SULT1C4: variants seen among roughly 807,000 people sequenced by gnomAD.
SULT1C4 encodes sulfotransferase 1C4.
A neutral mutation model predicts 34.8 loss-of-function variants in SULT1C4; 32 were observed. The ratio of observed to expected loss-of-function variants is 0.92; its 90% CI spans 0.69 to 1.23. The LOEUF (loss-of-function observed/expected upper bound fraction) is 1.23, where lower values mean the gene tolerates loss of function less well. Ranked by LOEUF, SULT1C4 falls within the 50% of genes most tolerant of loss-of-function variation. The probability of loss-of-function intolerance (pLI) is 0.00; values close to 1 mark genes in which losing one functional copy is unlikely to be tolerated. For synonymous variants in SULT1C4, 111 were observed against 120.5 expected (o/e 0.92, Z 0.51); for missense variants, 375 against 365.9 (o/e 1.02, Z -0.20).
At chr2:108,383,054 T>C in intron 3 of SULT1C4, 39 bp from the exon 4 acceptor site, 1 of 1,531,148 alleles carries the variant, frequency 6.5e-7, no homozygotes, top group Non-Finnish European at 8.7e-7. Flanking sequence ...AATTCCTGTT[T>C]TTTTGCTTCT....
At chr2:108,380,972 C>T (rs543908977) in intron 1 of SULT1C4, among the ~76,000 whole-genome samples, 5 of 152,174 alleles carry the variant, frequency 3.3e-5, no homozygotes, top group East Asian at 1.9e-4. Flanking sequence ...CAGAGAAAGG[C>T]GAAAAATTGA....
At position 108,383,426 on chromosome 2, in the gene SULT1C4, C is replaced by G; in HGVS notation, c.531C>G (p.Gly177=). The G allele has an allele frequency of 6.2e-7, 1 of 1,614,096 alleles. No individual in the cohort carries two copies. The highest frequency in any genetic ancestry group is 8.5e-7 in the Non-Finnish European group (1 of 1,179,964). ...CATCCCATCCTCCAGTGTGCTGGGGCTCCTGGCATGAACATGTGAAAGGAT... is the reference window on the plus strand; with the variant it reads ...CATCCCATCCTCCAGTGTGCTGGGGGTCCTGGCATGAACATGTGAAAGGAT... ...ETFLAGKVCW[G]SWHEHVKGWW... is the part of the protein sequence containing the mutation. Residue 177 remains glycine, a synonymous_variant, in exon 5 of 7, where the codon GGC becomes GGG. Coordinates refer to ENST00000272452, the MANE Select transcript of SULT1C4 (RefSeq NM_006588.4).
intron 1 of SULT1C4, among the ~76,000 whole-genome samples, chr2:108,380,283 A>C (rs2104340425): frequency 6.6e-6 from 1 of 152,212 alleles, no homozygotes; most frequent in Middle Eastern, 3.4e-3. Context: ...GGAGGCCAAG[A>C]CAGGGGGATC....
intron 5 of SULT1C4, among the ~76,000 whole-genome samples, chr2:108,384,195 A>G (rs530539262): frequency 6.6e-6 from 1 of 151,542 alleles, no homozygotes; most frequent in East Asian, 1.9e-4. Context: ...AGCACTGAGG[A>G]ACATAATACT....
intron 5 of SULT1C4, 143 bp downstream of exon 5, chr2:108,383,653 T>C (rs1286046559): frequency 4.6e-6 from 3 of 649,054 alleles, no homozygotes; most frequent in African/African-American, 1.8e-5. Flanking sequence ...TTTGTCAAAG[T>C]GCACATGGCT....
intron 3 of SULT1C4, 164 bp from the exon 4 acceptor site, chr2:108,382,929 A>AGT: frequency 2.6e-6 from 1 of 385,492 alleles, no homozygotes; most frequent in Non-Finnish European, 4.0e-6. Flanking sequence ...AAAAAAAAAA[A>AGT]AAGTCTCCCA....
chr2:108,387,234 A>G, intron 6 of SULT1C4, 86 bp from the exon 7 acceptor site: 1 of 1,031,992 alleles, frequency 9.7e-7, no homozygotes, highest in Non-Finnish European at 1.5e-6. Flanking sequence ...AACATGGCAT[A>G]GAAATCATCA....
chr2:108,382,137 G>A (rs1467637338), intron 2 of SULT1C4: 1 of 561,428 alleles, frequency 1.8e-6, no homozygotes, highest in African/African-American at 1.9e-5. Flanking sequence ...ATAAGCTCAA[G>A]TAAGATAATC....
chr2:108,387,138 A>G (rs116000374), intron 6 of SULT1C4, among the ~76,000 whole-genome samples, 182 bp from the exon 7 acceptor site: 128 of 152,358 alleles, frequency 8.4e-4, no homozygotes, highest in African/African-American at 3.1e-3. Flanking sequence ...TGTCTCACAG[A>G]TCAGACAAGA....
chr2:108,378,347 C>A lies in SULT1C4; in HGVS notation c.10C>A (p.His4Asn), dbSNP rs759448103. 1 of 1,613,638 alleles carries A rather than the reference C, an allele frequency of 6.2e-7. No homozygotes were observed. Among genetic ancestry groups the A allele is most frequent in the Non-Finnish European group, 8.5e-7 (1 of 1,179,732 alleles). Residue 4 changes from histidine to asparagine, a missense_variant, in exon 1 of 7, where the codon CAC becomes AAC. By Grantham distance (68) the His-to-Asn change is moderately conservative. Coordinates refer to ENST00000272452, the MANE Select transcript of SULT1C4 (RefSeq NM_006588.4). ...CTGATTTCTTACACTAATGGCCTTACACGACATGGAGGATTTTACATTTGA... is the reference window on the plus strand; with the variant it reads ...CTGATTTCTTACACTAATGGCCTTAAACGACATGGAGGATTTTACATTTGA... Reference protein sequence around the residue: MALHDMEDFTFDGT... With the variant: MALNDMEDFTFDGT...
At chr2:108,378,564 G>GT in intron 1 of SULT1C4, 58 bp downstream of exon 1, 2 of 1,550,300 alleles carry the variant, frequency 1.3e-6, no homozygotes, top group Non-Finnish European at 1.8e-6. Context: ...GTAAGTGGAA[G>GT]TATGCATTAG....
At chr2:108,381,643 A>AAAAACAAAAC (rs553498589) in intron 1 of SULT1C4, 119 bp from the exon 2 acceptor site, 2 of 1,191,632 alleles carry the variant, frequency 1.7e-6, no homozygotes, top group Admixed American at 3.8e-5. Flanking sequence ...CCCTGTCTCA[A>AAAAACAAAAC]AAAACAAAAC....
intron 1 of SULT1C4, among the ~76,000 whole-genome samples, chr2:108,379,366 C>T (rs574777562): frequency 2.7e-4 from 41 of 152,312 alleles, no homozygotes; most frequent in African/African-American, 9.1e-4. Context: ...TTGGTCTCTT[C>T]TTTGTCCATC....
chr2:108,385,239 T>A (rs1007267840), intron 5 of SULT1C4, among the ~76,000 whole-genome samples: 1 of 152,234 alleles, frequency 6.6e-6, no homozygotes, highest in African/African-American at 2.4e-5. Flanking sequence ...GCATGTATCA[T>A]AGCCATGTCA....
chr2:108,380,560 C>A (rs999684478), intron 1 of SULT1C4, among the ~76,000 whole-genome samples: 1 of 152,160 alleles, frequency 6.6e-6, no homozygotes. Context: ...AACTCAACAT[C>A]CTCCTAACCT....
chr2:108,387,219 C>A, intron 6 of SULT1C4, 101 bp from the exon 7 acceptor site: 1 of 896,404 alleles, frequency 1.1e-6, no homozygotes, highest in Non-Finnish European at 1.7e-6. Flanking sequence ...TACTGCCCTT[C>A]CTAGAACATG....
intron 1 of SULT1C4, 22 bp downstream of exon 1, chr2:108,378,528 G>A (rs200042476): frequency 6.4e-5 from 103 of 1,609,996 alleles, no homozygotes; most frequent in Admixed American, 2.0e-4. Context: ...GGCTTGCAGG[G>A]GAAGGGGAAG....
chr2:108,385,939 A>G (rs1254580455), intron 5 of SULT1C4, among the ~76,000 whole-genome samples: 4 of 152,102 alleles, frequency 2.6e-5, no homozygotes, highest in East Asian at 3.9e-4. Flanking sequence ...ACTGTATGTC[A>G]TTGTCTGGTG....
chr2:108,381,694 A>T lies in SULT1C4; in HGVS notation c.170-68A>T, dbSNP rs940292694. The T allele has an allele frequency of 2.1e-5, 28 of 1,305,912 alleles. No individual in the cohort carries two copies. In the Admixed American group the frequency reaches 8.5e-4, roughly 40 times the overall value. The allele number at this position is 1,305,912 out of a possible 1,614,324, so 80.9% of individuals were successfully genotyped here. Reference sequence around the variant, plus strand: ...AAAAGACATAGATGTTCTAACAAGTATTTGATCATATTTTAAGGAATGTAC... The same window carrying T: ...AAAAGACATAGATGTTCTAACAAGTTTTTGATCATATTTTAAGGAATGTAC... On this transcript the variant is annotated intron_variant, in intron 1 of 6. Coordinates refer to ENST00000272452, the MANE Select transcript of SULT1C4 (RefSeq NM_006588.4).
Sources: allele counts gnomAD v4.1 joint callset (sites outside exome capture counted in the v4.1 genomes callset), GRCh38; gene constraint gnomAD v4.1.1; transcripts MANE v1.5; gene names NCBI Gene and HGNC (gene_info 2026-07-23, HGNC 2026-07-21).